Variants in HS1BP3 observed in about 807,000 individuals in gnomAD.
HS1BP3 encodes the protein HCLS1-binding protein 3.
HS1BP3 carries 32 observed loss-of-function variants against 33.5 expected under a neutral mutation model. The ratio of observed to expected loss-of-function variants is 0.95; its 90% confidence interval spans 0.72 to 1.28. The LOEUF (loss-of-function observed/expected upper bound fraction) is 1.28, where lower values mean the gene tolerates loss of function less well. Among genes scored for constraint, HS1BP3 ranks in the 50% most tolerant of loss-of-function variants. The probability of loss-of-function intolerance (pLI) is 0.00; values close to 1 mark genes in which losing one functional copy is unlikely to be tolerated. For missense variants in HS1BP3, 486 were observed against 502.3 expected (o/e 0.97, Z 0.31); for synonymous variants, 187 against 209.2 (o/e 0.89, Z 0.92).
downstream of HS1BP3, among the ~76,000 whole-genome samples, chr2:20,590,470 AC>A (rs1429588406): frequency 2.0e-5 from 3 of 151,758 alleles, no homozygotes; most frequent in Non-Finnish European, 4.4e-5. Context: ...GCCCTGCCTC[AC>A]CCCCTCATCC....
At chr2:20,558,582 C>A (rs1453012981), downstream of HS1BP3, among the ~76,000 whole-genome samples, 1 of 152,194 alleles carries the variant, frequency 6.6e-6, no homozygotes, top group African/African-American at 2.4e-5. Flanking sequence ...AGGCACTGCG[C>A]TGGCACGAAG....
At chr2:20,646,499 G>A (rs747030679) in intron 1 of HS1BP3, among the ~76,000 whole-genome samples, 4 of 152,218 alleles carry the variant, frequency 2.6e-5, no homozygotes, top group Non-Finnish European at 4.4e-5. Flanking sequence ...CCAGCACAAC[G>A]CTGCTGTCAC....
chr2:20,629,826 G>A (rs903527440), intron 4 of HS1BP3, among the ~76,000 whole-genome samples: 4 of 152,212 alleles, frequency 2.6e-5, no homozygotes, highest in African/African-American at 4.8e-5. Context: ...GGTGAGAGGC[G>A]GCAGCTGCCG....
At chr2:20,568,793 T>A (rs1313739000) in intron 5 of HS1BP3, among the ~76,000 whole-genome samples, 1 of 152,162 alleles carries the variant, frequency 6.6e-6, no homozygotes, top group East Asian at 1.9e-4. Flanking sequence ...CTCGAAGAGT[T>A]CCCACCTGAT....
At chr2:20,614,161 C>T (rs1254416709), downstream of HS1BP3, among the ~76,000 whole-genome samples, 1 of 152,114 alleles carries the variant, frequency 6.6e-6, no homozygotes, top group Non-Finnish European at 1.5e-5. Flanking sequence ...CAAGGGACCC[C>T]AAGTGTTGCC....
At chr2:20,556,368 A>G (rs1692840920), downstream of HS1BP3, among the ~76,000 whole-genome samples, 1 of 152,218 alleles carries the variant, frequency 6.6e-6, no homozygotes, top group Non-Finnish European at 1.5e-5. Flanking sequence ...CTGACTGCCC[A>G]TTCTGTAAGA....
intron 5 of HS1BP3, among the ~76,000 whole-genome samples, chr2:20,576,017 G>T (rs551530192): frequency 6.6e-6 from 1 of 152,074 alleles, no homozygotes; most frequent in African/African-American, 2.4e-5. Flanking sequence ...TTGAGACAGG[G>T]TCTTGTTCTC....
At chr2:20,629,404 C>A (rs1056962601) in intron 4 of HS1BP3, among the ~76,000 whole-genome samples, 2 of 152,224 alleles carry the variant, frequency 1.3e-5, no homozygotes, top group Admixed American at 1.3e-4. Context: ...GCCCTCTGCA[C>A]TGACAGGAGA....
chr2:20,635,274 C>T (rs1318409667), intron 4 of HS1BP3: 2 of 152,162 alleles, frequency 1.3e-5, no homozygotes, highest in Non-Finnish European at 2.9e-5. Flanking sequence ...CCCCGCCACG[C>T]CCACAAGCAA....
intron 5 of HS1BP3, among the ~76,000 whole-genome samples, chr2:20,582,619 C>T (rs755296434): frequency 6.6e-6 from 1 of 152,150 alleles, no homozygotes; most frequent in Non-Finnish European, 1.5e-5. Flanking sequence ...CACCCCCATC[C>T]TTGGCATCAG....
intron 5 of HS1BP3, among the ~76,000 whole-genome samples, chr2:20,565,576 G>A (rs1343574179): frequency 6.6e-6 from 1 of 152,228 alleles, no homozygotes; most frequent in Non-Finnish European, 1.5e-5. Context: ...CTAGGAAAGG[G>A]TGGTGGTGGG....
At chr2:20,597,363 C>T (rs529435727) in intron 3 of HS1BP3, among the ~76,000 whole-genome samples, 120 of 152,292 alleles carry the variant, frequency 7.9e-4, no homozygotes, top group African/African-American at 2.6e-3. Flanking sequence ...CTAAGGAAGG[C>T]CTTGTACTGG....
chr2:20,607,841 GA>G (rs1694231506), intron 2 of HS1BP3, among the ~76,000 whole-genome samples: 1 of 152,216 alleles, frequency 6.6e-6, no homozygotes, highest in Non-Finnish European at 1.5e-5. Flanking sequence ...TCTATTTGGA[GA>G]TTACTGTCAT....
At chr2:20,577,277 A>G (rs1693423748) in intron 5 of HS1BP3, among the ~76,000 whole-genome samples, 1 of 151,536 alleles carries the variant, frequency 6.6e-6, no homozygotes, top group Non-Finnish European at 1.5e-5. Flanking sequence ...GGAAAGGGGG[A>G]CCCTCCTGAT....
At chr2:20,556,679 TG>T (rs1399626095), downstream of HS1BP3, among the ~76,000 whole-genome samples, 1 of 152,152 alleles carries the variant, frequency 6.6e-6, no homozygotes, top group African/African-American at 2.4e-5. Context: ...ACACAAGACT[TG>T]GGGTCAGAGG....
At chr2:20,645,657 C>T in intron 1 of HS1BP3, 152 bp from the exon 2 acceptor site, 1 of 736,948 alleles carries the variant, frequency 1.4e-6, no homozygotes, top group Non-Finnish European at 2.1e-6. Flanking sequence ...GGCCACCCAT[C>T]CCGCCACACC....
chr2:20,620,911 G>T (rs1694578542), intron 6 of HS1BP3, among the ~76,000 whole-genome samples: 1 of 152,250 alleles, frequency 6.6e-6, no homozygotes, highest in African/African-American at 2.4e-5. Context: ...AATTGCAAAG[G>T]CCTGGAAAGA....
Position 20,619,065 on chromosome 2 carries a change from T to A in HS1BP3, c.1101A>T (p.Gln367His), listed in dbSNP as rs1366404938. Reference protein sequence around the residue: ...AGQQKPQEQIQAMDEMDILQY... With the variant: ...AGQQKPQEQIHAMDEMDILQY... The stretch of plus-strand genomic sequence containing the variant: ...GCAAGATGTCCATCTCGTCCATGGC[T>A]TGGATCTGCTCCTGCGGCTTCTGCT... Residue 367 changes from glutamine (Q) to histidine (H), a missense_variant, in exon 7 of 7, where the codon CAA becomes CAT. Gln to His is a conservative substitution (Grantham distance 24). Coordinates refer to ENST00000304031, the MANE Select transcript of HS1BP3 (RefSeq NM_022460.4). 6.2e-7 allele frequency: 1 copy of A among 1,614,080 alleles called. No homozygotes were observed. Among genetic ancestry groups the A allele is most frequent in the African/African-American group, 1.3e-5 (1 of 74,928 alleles).
intron 5 of HS1BP3, among the ~76,000 whole-genome samples, chr2:20,580,091 C>T (rs1463993747): frequency 1.3e-5 from 2 of 152,270 alleles, no homozygotes; most frequent in East Asian, 1.9e-4. Flanking sequence ...CCCAGGGACA[C>T]AGCCCCAAGG....
Sources: gnomAD v4.1 joint callset for allele counts (sites outside exome capture counted in the v4.1 genomes callset) on GRCh38, gnomAD v4.1.1 for gene constraint, MANE v1.5 for transcripts, NCBI Gene and HGNC (gene_info 2026-07-23, HGNC 2026-07-21) for gene names.